Variants in PDZRN4 observed in about 807,000 individuals in gnomAD.
PDZRN4 encodes the protein PDZ domain containing ring finger 4.
A neutral mutation model predicts 99.0 loss-of-function variants in PDZRN4; 70 were observed. The observed-to-expected ratio is 0.71, with a 90% CI of 0.58 to 0.86. The LOEUF (loss-of-function observed/expected upper bound fraction) is 0.86, where lower values mean the gene tolerates loss of function less well. Among genes scored for constraint, PDZRN4 ranks in the 40% least tolerant of loss-of-function variants. The pLI is 0.00. For synonymous variants in PDZRN4, 551 were observed against 501.6 expected, an observed-to-expected ratio of 1.10 and a Z score of -1.32; for missense variants, 1,474 against 1,331.2, an observed-to-expected ratio of 1.11 and a Z score of -1.67.
chr12:41,285,558 A>G (rs1258317002), intron 3 of PDZRN4, among the ~76,000 whole-genome samples: 3 of 152,360 alleles, frequency 2.0e-5, no homozygotes, highest in South Asian at 2.1e-4. Flanking sequence ...ATGCACATGT[A>G]TGTTTATTGC....
intron 8 of PDZRN4, among the ~76,000 whole-genome samples, chr12:41,564,881 G>C (rs1451043414): frequency 6.6e-6 from 1 of 152,124 alleles, no homozygotes; most frequent in African/African-American, 2.4e-5. Flanking sequence ...ATGCATATTA[G>C]TGAAATTTAT....
Position 41,506,521 on chromosome 12 carries a change from G to A in PDZRN4, c.909G>A (p.Lys303=), listed in dbSNP as rs767404188. The A allele has an allele frequency of 3.1e-6, 5 of 1,613,650 alleles. No individual in the cohort carries two copies. Among genetic ancestry groups the A allele is most frequent in the South Asian group, 1.1e-5 (1 of 91,064 alleles). ...EEAVEAFRNA[K]EPIVVQVLRR... is the part of the protein sequence containing the mutation. ...CAGTGGAAGCTTTTCGCAATGCCAA[G>A]GAGCCCATTGTGGTGCAGGTGTTAA... Residue 303 remains lysine, a synonymous_variant, in exon 4 of 10, where the codon AAG becomes AAA. Coordinates refer to ENST00000402685, the MANE Select transcript of PDZRN4 (RefSeq NM_001164595.2).
intron 3 of PDZRN4, among the ~76,000 whole-genome samples, chr12:41,334,069 T>A (rs1375681954): frequency 1.3e-5 from 2 of 152,166 alleles, no homozygotes; most frequent in Non-Finnish European, 2.9e-5. Flanking sequence ...ATTTTTGTTA[T>A]TGTTTTTATT....
chr12:41,444,129 G>A (rs752789411), intron 3 of PDZRN4, among the ~76,000 whole-genome samples: 21 of 152,076 alleles, frequency 1.4e-4, no homozygotes, highest in Non-Finnish European at 2.9e-4. Context: ...AATAAGAACC[G>A]AGTATCTTTG....
intron 5 of PDZRN4, among the ~76,000 whole-genome samples, chr12:41,511,652 T>C (rs897888757): frequency 1.1e-4 from 16 of 152,116 alleles, no homozygotes; most frequent in Non-Finnish European, 4.4e-5. Flanking sequence ...CATGGGAGAA[T>C]ACCTCCAGAG....
intron 3 of PDZRN4, among the ~76,000 whole-genome samples, chr12:41,361,374 T>G (rs1230178783): frequency 1.3e-5 from 2 of 152,182 alleles, no homozygotes; most frequent in East Asian, 3.9e-4. Flanking sequence ...TAAACTCCAC[T>G]TTTAATTTTT....
chr12:41,225,659 G>C (rs1304325229), intron 3 of PDZRN4, among the ~76,000 whole-genome samples: 1 of 151,998 alleles, frequency 6.6e-6, no homozygotes, highest in East Asian at 1.9e-4. Context: ...ACTCCAAGTG[G>C]TAAGATGTTA....
At chr12:41,277,485 T>C (rs990982296) in intron 3 of PDZRN4, among the ~76,000 whole-genome samples, 2 of 152,214 alleles carry the variant, frequency 1.3e-5, no homozygotes, top group African/African-American at 4.8e-5. Flanking sequence ...ACTCAGTTTA[T>C]GCACCAGTGC....
At chr12:41,459,697 C>G (rs1378111515) in intron 3 of PDZRN4, among the ~76,000 whole-genome samples, 1 of 152,140 alleles carries the variant, frequency 6.6e-6, no homozygotes, top group African/African-American at 2.4e-5. Flanking sequence ...ACAACAGGCT[C>G]TAAATTGTGA....
chr12:41,386,288 A>G (rs1952170333), intron 3 of PDZRN4, among the ~76,000 whole-genome samples: 1 of 152,250 alleles, frequency 6.6e-6, no homozygotes, highest in South Asian at 2.1e-4. Flanking sequence ...ACTTCTGCTC[A>G]ACATAGTACT....
intron 3 of PDZRN4, among the ~76,000 whole-genome samples, chr12:41,227,894 CACA>C (rs1951004863): frequency 1.3e-5 from 2 of 151,118 alleles, no homozygotes; most frequent in South Asian, 4.2e-4. Flanking sequence ...CACACACACA[CACA>C]CACACACACA....
intron 3 of PDZRN4, among the ~76,000 whole-genome samples, chr12:41,361,424 G>A (rs1168283737): frequency 6.6e-6 from 1 of 151,906 alleles, no homozygotes; most frequent in Non-Finnish European, 1.5e-5. Context: ...CCCTGAATTG[G>A]TATTGAGCTT....
At chr12:41,375,714 T>C (rs1374693498) in intron 3 of PDZRN4, among the ~76,000 whole-genome samples, 1 of 152,170 alleles carries the variant, frequency 6.6e-6, no homozygotes, top group African/African-American at 2.4e-5. Context: ...TTAAAAGATC[T>C]CTCACCTAAC....
intron 3 of PDZRN4, among the ~76,000 whole-genome samples, chr12:41,371,389 AG>A (rs1294716480): frequency 2.0e-5 from 3 of 151,992 alleles, no homozygotes; most frequent in Non-Finnish European, 2.9e-5. Flanking sequence ...GGAAAATAGC[AG>A]GCTTCTTTCT....
chr12:41,452,964 A>T (rs1293878471), intron 3 of PDZRN4, among the ~76,000 whole-genome samples: 1 of 152,106 alleles, frequency 6.6e-6, no homozygotes, highest in Non-Finnish European at 1.5e-5. Flanking sequence ...AAATGAAGGT[A>T]GTCGGACTGG....
chr12:41,292,282 A>G (rs993182832), intron 3 of PDZRN4, among the ~76,000 whole-genome samples: 4 of 152,204 alleles, frequency 2.6e-5, no homozygotes, highest in Non-Finnish European at 5.9e-5. Context: ...AATCTTTATG[A>G]AAGGGGAGAA....
chr12:41,325,496 G>A (rs1053225709), intron 3 of PDZRN4, among the ~76,000 whole-genome samples: 16 of 152,040 alleles, frequency 1.1e-4, no homozygotes, highest in African/African-American at 2.2e-4. Flanking sequence ...AAGATAAGAC[G>A]GGTTATGCTA....
intron 8 of PDZRN4, among the ~76,000 whole-genome samples, chr12:41,565,843 G>A (rs1317776301): frequency 2.0e-5 from 3 of 152,248 alleles, no homozygotes; most frequent in East Asian, 3.9e-4. Context: ...TTGAGACAGT[G>A]TAGGTTGTTC....
chr12:41,264,014 T>A (rs2120839410), intron 3 of PDZRN4, among the ~76,000 whole-genome samples: 1 of 152,284 alleles, frequency 6.6e-6, no homozygotes, highest in Middle Eastern at 3.4e-3. Flanking sequence ...CCTTTCAATT[T>A]CAGCAATATT....
Sources: gnomAD v4.1 joint callset for allele counts (sites outside exome capture counted in the v4.1 genomes callset) on GRCh38, gnomAD v4.1.1 for gene constraint, MANE v1.5 for transcripts, NCBI Gene and HGNC (gene_info 2026-07-23, HGNC 2026-07-21) for gene names.